Variants in RTN1 observed in about 807,000 individuals in gnomAD.
RTN1 encodes reticulon-1.
Under a neutral mutation model 65.5 loss-of-function variants are expected in RTN1, and 25 were observed. The ratio of observed to expected loss-of-function variants is 0.38; its 90% CI spans 0.28 to 0.53. The LOEUF is 0.53. Ranked by LOEUF, RTN1 falls within the 20% of genes least tolerant of loss-of-function variation. RTN1 has a pLI of 0.79. For synonymous variants in RTN1, 471 were observed against 447.6 expected (o/e 1.05, Z -0.66); for missense variants, 983 against 1,025.4 (o/e 0.96, Z 0.57).
chr14:59,727,267 C>T lies in RTN1; in HGVS notation c.1417G>A (p.Ala473Thr), dbSNP rs1884790429. The T allele has an allele frequency of 6.6e-7, 1 of 1,510,630 alleles. No individual in the cohort carries two copies. The allele number at this position is 1,510,630 out of a possible 1,614,324, so 93.6% of individuals were successfully genotyped here. A position where few individuals can be genotyped will look rare whatever the true frequency, so the allele number is the denominator to read the frequency against. Residue 473 changes from alanine to threonine, a missense_variant, in exon 3 of 9, where the codon GCC becomes ACC. Physicochemically the swap from Ala to Thr is moderately conservative, Grantham distance 58. Around this residue, in one of 2 missense-constraint regions of RTN1, gnomAD observed 818 missense variants for 801.8 expected, o/e 1.02. Coordinates refer to ENST00000267484, the MANE Select transcript of RTN1 (RefSeq NM_021136.3). The surrounding 1 kb of genome is among the most constrained non-coding windows in gnomAD (Gnocchi z 4.2). ...DSELIIESCDASSASEESPKR... is the reference protein window; with the variant it reads ...DSELIIESCDTSSASEESPKR... ...GGGCTCTCCTCCGAGGCCGAGGAGG[C>T]GTCGCACGACTCGATGATGAGCTCG...
At chr14:59,633,890 G>C (rs1000969687) in intron 3 of RTN1, among the ~76,000 whole-genome samples, 1 of 152,124 alleles carries the variant, frequency 6.6e-6, no homozygotes, top group African/African-American at 2.4e-5. Flanking sequence ...GTCTCCTCTG[G>C]CACCAGAATT....
intron 3 of RTN1, among the ~76,000 whole-genome samples, chr14:59,700,794 A>G (rs551101412): frequency 6.6e-6 from 1 of 152,312 alleles, no homozygotes; most frequent in Non-Finnish European, 1.5e-5. Context: ...ATCTTGGTTA[A>G]CTTGTATTAG....
intron 4 of RTN1, among the ~76,000 whole-genome samples, chr14:59,606,929 A>G (rs925483450): frequency 1.3e-5 from 2 of 152,224 alleles, no homozygotes; most frequent in Non-Finnish European, 2.9e-5. Context: ...GGCCTTGAGC[A>G]TGTCATGTCA....
intron 1 of RTN1, among the ~76,000 whole-genome samples, chr14:59,767,051 A>G (rs1885863114): frequency 6.6e-6 from 1 of 152,154 alleles, no homozygotes; most frequent in Non-Finnish European, 1.5e-5. Flanking sequence ...AAAAAACATA[A>G]TTATGCAGGC....
intron 3 of RTN1, chr14:59,630,731 C>T (rs1882530829): frequency 1.8e-6 from 2 of 1,109,280 alleles, no homozygotes; most frequent in East Asian, 5.2e-5. Context: ...CGCCTGCGCG[C>T]ATGGGGATGC....
At chr14:59,787,001 TA>T (rs1886261386) in intron 1 of RTN1, among the ~76,000 whole-genome samples, 1 of 152,158 alleles carries the variant, frequency 6.6e-6, no homozygotes, top group South Asian at 2.1e-4. Context: ...GACAGAAAAG[TA>T]CTTAAGGAAT....
intron 1 of RTN1, among the ~76,000 whole-genome samples, chr14:59,810,590 A>G (rs939581538): frequency 7.2e-5 from 11 of 152,158 alleles, no homozygotes; most frequent in Non-Finnish European, 4.4e-5. Context: ...GCCTTTTGGG[A>G]GACTAAAAGC....
chr14:59,747,106 A>C (rs1885244585), intron 1 of RTN1, among the ~76,000 whole-genome samples: 3 of 152,080 alleles, frequency 2.0e-5, no homozygotes, highest in African/African-American at 7.2e-5. Flanking sequence ...TGTTTATTTC[A>C]TCAGTTTTCC....
intron 8 of RTN1, among the ~76,000 whole-genome samples, chr14:59,599,984 T>C (rs1305172288): frequency 6.6e-6 from 1 of 152,200 alleles, no homozygotes; most frequent in Non-Finnish European, 1.5e-5. Flanking sequence ...AGCAGATTTC[T>C]TATTATGGTC....
chr14:59,790,354 G>T lies in RTN1; in HGVS notation c.242-43873C>A, dbSNP rs938034034. 1.3e-5 allele frequency among the ~76,000 whole-genome samples: 2 copies of T among 151,966 alleles called. No individual in the cohort carries two copies. The highest frequency in any genetic ancestry group is 4.8e-5 in the African/African-American group (2 of 41,384). On this transcript the variant is annotated intron_variant, in intron 1 of 8. Coordinates refer to ENST00000267484, the MANE Select transcript of RTN1 (RefSeq NM_021136.3). This position sits in a 1 kb window ranked among gnomAD's most constrained non-coding sequence, Gnocchi z 4.1. ...CACATTGATAGCAGTAGTCATTTCTGAATGGTAGCAACAGAGGTTTGTGTT... is the reference window on the plus strand; with the variant it reads ...CACATTGATAGCAGTAGTCATTTCTTAATGGTAGCAACAGAGGTTTGTGTT...
intron 1 of RTN1, among the ~76,000 whole-genome samples, chr14:59,749,784 T>C (rs1386193754): frequency 8.7e-6 from 1 of 115,044 alleles, no homozygotes; most frequent in Non-Finnish European, 1.6e-5. Flanking sequence ...TATTTATATA[T>C]ATCTATATGT....
chr14:59,835,535 A>G (rs2139646424), intron 1 of RTN1, among the ~76,000 whole-genome samples: 1 of 152,324 alleles, frequency 6.6e-6, no homozygotes, highest in African/African-American at 2.4e-5. Context: ...TTGTTCAGCA[A>G]CTTCTCTGTT....
chr14:59,712,419 G>A (rs1442831663), intron 3 of RTN1, among the ~76,000 whole-genome samples: 1 of 152,156 alleles, frequency 6.6e-6, no homozygotes, highest in African/African-American at 2.4e-5. Context: ...AACAGAAAAT[G>A]ACAAATTGGG....
At chr14:59,605,347 G>A in intron 5 of RTN1, 21 bp downstream of exon 5, 3 of 1,608,634 alleles carry the variant, frequency 1.9e-6, no homozygotes, top group Non-Finnish European at 2.5e-6. Context: ...ACTGTGAAGT[G>A]AACAGCTTAA....
intron 1 of RTN1, among the ~76,000 whole-genome samples, chr14:59,787,708 T>G (rs1443135997): frequency 6.6e-6 from 1 of 152,110 alleles, no homozygotes; most frequent in Non-Finnish European, 1.5e-5. Context: ...AAGAGGCTGG[T>G]GGCAGGGCTG....
rs1248323190 is a variant in RTN1, at chr14:59,870,692, G to A, written c.-62C>T. 7.7e-7 allele frequency: 1 copy of A among 1,306,292 alleles called. No homozygotes were observed. Among genetic ancestry groups the A allele is most frequent in the Non-Finnish European group, 9.7e-7 (1 of 1,035,114 alleles). The allele number at this position is 1,306,292 out of a possible 1,614,324, so 80.9% of individuals were successfully genotyped here. On this transcript the variant is annotated 5_prime_UTR_variant, in exon 1 of 9. Coordinates refer to ENST00000267484, the MANE Select transcript of RTN1 (RefSeq NM_021136.3). The surrounding 1 kb of genome is among the most constrained non-coding windows in gnomAD (Gnocchi z 5.1). ...CTGGGCAGAGGCTCGGTGGCTGCGC[G>A]GGCGCTCCCTGCTGCTGTCCCCGGA...
At chr14:59,797,431 A>C (rs1292114022) in intron 1 of RTN1, among the ~76,000 whole-genome samples, 3 of 152,190 alleles carry the variant, frequency 2.0e-5, no homozygotes, top group African/African-American at 7.2e-5. Context: ...AAGGCACTGC[A>C]ATATCTAGCA....
At chr14:59,818,283 C>A (rs1291653839) in intron 1 of RTN1, among the ~76,000 whole-genome samples, 1 of 152,168 alleles carries the variant, frequency 6.6e-6, no homozygotes, top group Non-Finnish European at 1.5e-5. Context: ...GTGGGCACAA[C>A]CATTTCTCTG....
chr14:59,811,276 A>G (rs1003376519), intron 1 of RTN1, among the ~76,000 whole-genome samples: 3 of 152,158 alleles, frequency 2.0e-5, no homozygotes, highest in Non-Finnish European at 4.4e-5. Context: ...CAGCAAAGAA[A>G]CTATAGGTTG....
Sources: gnomAD v4.1 joint callset for allele counts (sites outside exome capture counted in the v4.1 genomes callset) on GRCh38, gnomAD v4.1.1 for gene constraint, gnomAD v4.1.1 regional missense constraint, Gnocchi (gnomAD v3.1) non-coding constraint, MANE v1.5 for transcripts, NCBI Gene and HGNC (gene_info 2026-07-23, HGNC 2026-07-21) for gene names.